Variants in TMEM192 observed in about 807,000 individuals in gnomAD.
TMEM192 encodes transmembrane protein 192.
Under a neutral mutation model 26.7 loss-of-function variants are expected in TMEM192, and 20 were observed. The ratio of observed to expected loss-of-function variants is 0.75; its 90% CI spans 0.53 to 1.09. The LOEUF is 1.09. TMEM192 is among the 50% of genes least tolerant of loss of function. The pLI, the probability that TMEM192 is intolerant of heterozygous loss-of-function variation, is 0.00. For synonymous variants in TMEM192, 124 were observed against 121.0 expected, an observed-to-expected ratio of 1.02 and a Z score of -0.16; for missense variants, 304 against 322.6, an observed-to-expected ratio of 0.94 and a Z score of 0.44.
Position 165,072,774 on chromosome 4 carries a change from A to T in TMEM192, c.*6884T>A, listed in dbSNP as rs1196394499. On this transcript the variant is annotated 3_prime_UTR_variant, in exon 6 of 6. Transcript: ENST00000306480. ...AGGGGTGGAAGAGACTGTGGCAGAT[A>T]GCTCAGCTGGGGACATGTTCTGTTT... 3 of 152,346 alleles carry T rather than the reference A, an allele frequency of 2.0e-5. No homozygotes were observed. The highest frequency in any genetic ancestry group is 4.4e-5 in the Non-Finnish European group (3 of 68,180). The allele number at this position is 152,346 out of a possible 1,614,324, so 9.4% of individuals were successfully genotyped here. A position where few individuals can be genotyped will look rare whatever the true frequency, so the allele number is the denominator to read the frequency against.
intron 1 of TMEM192, among the ~76,000 whole-genome samples, chr4:165,109,184 T>C (rs1735239460): frequency 6.6e-6 from 1 of 152,176 alleles, no homozygotes; most frequent in Non-Finnish European, 1.5e-5. Flanking sequence ...GCACATGGCA[T>C]TGAAATTGTC....
rs949131423 is a variant in TMEM192 at position 165,078,737 on chromosome 4, G to A, written c.*921C>T. On this transcript the variant is annotated 3_prime_UTR_variant, in exon 6 of 6. Transcript: ENST00000306480. ...GGCAACACAGGTTCGTCTAACACAG[G>A]TCGGTCTAACACTGGTCCAAGTAAT... is the stretch of plus-strand genomic sequence containing the variant. 1 of 152,320 alleles carries A rather than the reference G, an allele frequency of 6.6e-6. No individual in the cohort carries two copies. Among genetic ancestry groups the A allele is most frequent in the African/African-American group, 2.4e-5 (1 of 41,576 alleles). The allele number at this position is 152,320 out of a possible 1,614,324, so 9.4% of individuals were successfully genotyped here.
At chr4:165,097,051 A>G (rs144400695) in intron 3 of TMEM192, among the ~76,000 whole-genome samples, 1,590 of 152,188 alleles carry the variant, frequency 0.01, 25 homozygotes, top group African/African-American at 0.036. Flanking sequence ...GCTCATTCTC[A>G]CAAGAGGCAG....
chr4:165,100,793 C>A lies in TMEM192; in HGVS notation c.274G>T (p.Val92Phe), dbSNP rs1312845109. The part of the protein sequence containing the change: ...CPGNYTNPLK[V>F]QTVIILGKVI... ...TTCCCAAGGATTATAACCGTCTGAA[C>A]TTTCAATGGGTTTGTGTAATTTCCT... The change falls in exon 3 of 6, where the codon GTT becomes TTT. Residue 92 changes from valine (V) to phenylalanine (F), a missense_variant. By Grantham distance (50) the Val-to-Phe change is conservative (BLOSUM62 -1). Coordinates refer to ENST00000306480, the MANE Select transcript of TMEM192 (RefSeq NM_001100389.2). The A allele has an allele frequency of 1.2e-6, 2 of 1,614,048 alleles. No homozygotes were observed. Among genetic ancestry groups the A allele is most frequent in the Non-Finnish European group, 1.7e-6 (2 of 1,180,014 alleles).
Position 165,112,792 on chromosome 4 carries a change from G to T in TMEM192, c.-19C>A. 2 of 1,605,528 alleles carry T rather than the reference G, an allele frequency of 1.2e-6. No individual in the cohort carries two copies. Among genetic ancestry groups the T allele is most frequent in the Non-Finnish European group, 1.7e-6 (2 of 1,178,764 alleles). ...CCGCCATTTCCCGACGCCGGAGGCC[G>T]AAGCCCTGGCCAGCCCGGCCTCTCC... On this transcript the variant is annotated 5_prime_UTR_variant, in exon 1 of 6. Coordinates refer to ENST00000306480, the MANE Select transcript of TMEM192 (RefSeq NM_001100389.2).
intron 3 of TMEM192, among the ~76,000 whole-genome samples, chr4:165,090,973 G>T (rs1578904074): frequency 6.8e-6 from 1 of 146,686 alleles, no homozygotes; most frequent in African/African-American, 2.5e-5. Flanking sequence ...CAGAAGTACG[G>T]GAAGCATAGT....
chr4:165,087,259 A>T (rs57932144), intron 4 of TMEM192, among the ~76,000 whole-genome samples: 1 of 152,352 alleles, frequency 6.6e-6, no homozygotes, highest in East Asian at 1.9e-4. Context: ...AATAAGAAAT[A>T]TGAATCAGTG....
intron 5 of TMEM192, among the ~76,000 whole-genome samples, chr4:165,084,129 TTC>T (rs1202138741): frequency 6.6e-6 from 1 of 151,940 alleles, no homozygotes; most frequent in African/African-American, 2.4e-5. Flanking sequence ...TCATGTTTTT[TTC>T]TTTTTCTTTT....
Position 165,081,369 on chromosome 4 carries a change from T to C in TMEM192, c.678-1573A>G, listed in dbSNP as rs371078048. Among the ~76,000 whole-genome samples, 31 of 152,074 alleles carry C rather than the reference T, an allele frequency of 2.0e-4. 1 individual carries two copies. In the East Asian group the frequency reaches 2.1e-3, roughly 10 times the overall value. On this transcript the variant is annotated intron_variant, in intron 5 of 5. Transcript: ENST00000306480. ...ACTCTTGTATATACTGACTTTTTTT[T>C]TTTTGAGACCGAGTCTCTATTTTTT... is the stretch of plus-strand genomic sequence containing the variant.
chr4:165,076,493 C>CTATA lies in TMEM192; in HGVS notation c.*3161_*3164dup, dbSNP rs150612050. 0.021 allele frequency: 3,265 copies of CTATA among 152,416 alleles called. 41 individuals are homozygous for CTATA. Among genetic ancestry groups the CTATA allele is most frequent in the African/African-American group, 0.046 (1,904 of 41,566 alleles). 9.4% of individuals were successfully genotyped at this position (152,416 alleles called of 1,614,324 possible). A position where few individuals can be genotyped will look rare whatever the true frequency, so the allele number is the denominator to read the frequency against. ...TCCTGCCTCACACTTTTGGTTCCAG[C>CTATA]TATACACAGTGCTTGTGATATTTTG... On this transcript the variant is annotated 3_prime_UTR_variant, in exon 6 of 6. Transcript: ENST00000306480.
intron 3 of TMEM192, among the ~76,000 whole-genome samples, chr4:165,090,290 G>A (rs914472038): frequency 2.0e-5 from 3 of 151,180 alleles, no homozygotes; most frequent in African/African-American, 7.3e-5. Context: ...GTTTGAGGTG[G>A]TAGAATTGCT....
At chr4:165,100,509 AC>A in intron 3 of TMEM192, 118 bp downstream of exon 3, 3 of 1,222,028 alleles carry the variant, frequency 2.5e-6, no homozygotes, top group Non-Finnish European at 3.4e-6. Flanking sequence ...GTCAGAACAC[AC>A]ATCAACCTTA....
Position 165,078,518 on chromosome 4 carries a change from G to C in TMEM192, c.*1140C>G, listed in dbSNP as rs886328669. 1 of 151,986 alleles carries C rather than the reference G, an allele frequency of 6.6e-6. No individual in the cohort carries two copies. Among genetic ancestry groups the C allele is most frequent in the African/African-American group, 2.4e-5 (1 of 41,378 alleles). 9.4% of individuals were successfully genotyped at this position (151,986 alleles called of 1,614,324 possible). On this transcript the variant is annotated 3_prime_UTR_variant, in exon 6 of 6. Transcript: ENST00000306480. ...TTAAGTATAATCCAAGGCTTTAAAA[G>C]GTATCTTTTTTTTACAGTAATTTAA...
At chr4:165,104,527 T>TTTTG (rs963078584) in intron 1 of TMEM192, among the ~76,000 whole-genome samples, 3 of 152,128 alleles carry the variant, frequency 2.0e-5, no homozygotes, top group South Asian at 2.1e-4. Context: ...GTTTTTGTTG[T>TTTTG]TTTGTTTGTT....
rs1435724773 is a variant in TMEM192 at position 165,072,309 on chromosome 4, C to T, written c.*7349G>A. 1 of 152,104 alleles carries T rather than the reference C, an allele frequency of 6.6e-6. No individual in the cohort carries two copies. Among genetic ancestry groups the T allele is most frequent in the Non-Finnish European group, 1.5e-5 (1 of 68,076 alleles). The allele number at this position is 152,104 out of a possible 1,614,324, so 9.4% of individuals were successfully genotyped here. Reference sequence around the variant, plus strand: ...GTGACTCATGCCTGTAATTGCAGCACTTTGGGAGGCCAAGGCGGGTGGATG... The same window carrying T: ...GTGACTCATGCCTGTAATTGCAGCATTTTGGGAGGCCAAGGCGGGTGGATG... On this transcript the variant is annotated 3_prime_UTR_variant, in exon 6 of 6. Transcript: ENST00000306480.
At chr4:165,085,981 C>A (rs537989155) in intron 4 of TMEM192, among the ~76,000 whole-genome samples, 8 of 152,258 alleles carry the variant, frequency 5.3e-5, no homozygotes, top group African/African-American at 1.9e-4. Flanking sequence ...CTCCTATTAC[C>A]CCGCAGTGAA....
At position 165,077,778 on chromosome 4, in the gene TMEM192, C is replaced by G. The variant is rs1039944907; in HGVS notation, c.*1880G>C. The G allele has an allele frequency of 2.0e-5, 3 of 151,846 alleles. No individual in the cohort carries two copies. Among genetic ancestry groups the G allele is most frequent in the African/African-American group, 7.3e-5 (3 of 41,236 alleles). 9.4% of individuals were successfully genotyped at this position (151,846 alleles called of 1,614,324 possible). On this transcript the variant is annotated 3_prime_UTR_variant, in exon 6 of 6. Transcript: ENST00000306480. ...AGAAAGAAAGAAAGGCGCCATTGCACTCCAGCCTGGGCGACAGGGTGAGAC... is the reference window on the plus strand; with the variant it reads ...AGAAAGAAAGAAAGGCGCCATTGCAGTCCAGCCTGGGCGACAGGGTGAGAC...
chr4:165,084,204 CTTTT>C (rs1256125985), intron 5 of TMEM192, among the ~76,000 whole-genome samples: 9 of 149,856 alleles, frequency 6.0e-5, no homozygotes, highest in African/African-American at 2.2e-4. Context: ...AATACACTTT[CTTTT>C]TTTTGTTTGA....
At chr4:165,102,251 G>T (rs1735053412) in intron 2 of TMEM192, among the ~76,000 whole-genome samples, 1 of 152,108 alleles carries the variant, frequency 6.6e-6, no homozygotes, top group Non-Finnish European at 1.5e-5. Context: ...ATAAATTCCT[G>T]TGTCAACATA....
Sources: gnomAD v4.1 joint callset for allele counts (sites outside exome capture counted in the v4.1 genomes callset) on GRCh38, gnomAD v4.1.1 for gene constraint, MANE v1.5 for transcripts, NCBI Gene and HGNC (gene_info 2026-07-23, HGNC 2026-07-21) for gene names.